PLCG2: variants seen among roughly 807,000 people sequenced by gnomAD.
PLCG2 encodes phospholipase C gamma 2.
Under a neutral mutation model 175.6 loss-of-function variants are expected in PLCG2, and 69 were observed. The ratio of observed to expected loss-of-function variants is 0.39; its 90% CI spans 0.32 to 0.48. The LOEUF (loss-of-function observed/expected upper bound fraction) is 0.48. Ranked by LOEUF, PLCG2 falls within the 20% of genes least tolerant of loss-of-function variation. The pLI is 0.91. For synonymous variants in PLCG2, 827 were observed against 624.0 expected, an observed-to-expected ratio of 1.33 and a Z score of -4.85; for missense variants, 1,798 against 1,650.9, an observed-to-expected ratio of 1.09 and a Z score of -1.54.
At chr16:81,798,645 A>T (rs1291385972) in intron 2 of PLCG2, 2 of 152,324 alleles carry the variant, frequency 1.3e-5, no homozygotes, top group Non-Finnish European at 2.9e-5. Flanking sequence ...GGTAGGCGTG[A>T]GTTTTGGGAG....
chr16:81,962,525 G>C lies in PLCG2; in HGVS notation c.*4527G>C, dbSNP rs1911814307. ...CTTAAGAAGCTGCATTTGTAAACTT[G>C]TGTTTCATTATTAAAGCTTAATTTA... is the stretch of plus-strand genomic sequence containing the variant. On this transcript the variant is annotated 3_prime_UTR_variant, in exon 33 of 33. Coordinates refer to ENST00000564138, the MANE Select transcript of PLCG2 (RefSeq NM_002661.5). 4.6e-6 allele frequency: 1 copy of C among 216,130 alleles called. No homozygotes were observed. The highest frequency in any genetic ancestry group is 9.3e-6 in the Non-Finnish European group (1 of 107,550). 13.4% of individuals were successfully genotyped at this position (216,130 alleles called of 1,614,324 possible).
chr16:81,843,651 G>T (rs1567493799), intron 2 of PLCG2, among the ~76,000 whole-genome samples: 1 of 152,138 alleles, frequency 6.6e-6, no homozygotes, highest in Non-Finnish European at 1.5e-5. Context: ...AAGTACATAG[G>T]ATACTATACA....
At chr16:81,917,026 G>A (rs1909872364) in intron 19 of PLCG2, among the ~76,000 whole-genome samples, 1 of 151,982 alleles carries the variant, frequency 6.6e-6, no homozygotes, top group African/African-American at 2.4e-5. Flanking sequence ...TGTATCCTTT[G>A]ACCAACATAT....
chr16:81,938,238 G>A (rs1193113963), intron 28 of PLCG2, among the ~76,000 whole-genome samples: 1 of 152,146 alleles, frequency 6.6e-6, no homozygotes, highest in Non-Finnish European at 1.5e-5. Context: ...TGGTCTTAAT[G>A]GAGAAGTTTT....
At chr16:81,912,266 G>T (rs1226382102) in intron 18 of PLCG2, among the ~76,000 whole-genome samples, 1 of 151,754 alleles carries the variant, frequency 6.6e-6, no homozygotes, top group Non-Finnish European at 1.5e-5. Context: ...GGGTCTCATT[G>T]TGTTGGCCAG....
At chr16:81,822,274 G>A (rs942663778) in intron 2 of PLCG2, among the ~76,000 whole-genome samples, 39 of 152,176 alleles carry the variant, frequency 2.6e-4, no homozygotes, top group African/African-American at 9.4e-4. Flanking sequence ...GGGTGTTGAA[G>A]GGTCGGCATA....
chr16:81,875,865 C>T (rs919833207), intron 7 of PLCG2, among the ~76,000 whole-genome samples: 7 of 152,098 alleles, frequency 4.6e-5, no homozygotes, highest in African/African-American at 1.7e-4. Flanking sequence ...TGGGTGTGAG[C>T]ATGGGGGAAG....
chr16:81,807,339 C>T (rs539642004), intron 2 of PLCG2, among the ~76,000 whole-genome samples: 1 of 152,136 alleles, frequency 6.6e-6, no homozygotes, highest in Non-Finnish European at 1.5e-5. Context: ...GCGAGGAGGG[C>T]ACTGAGGAGG....
At chr16:81,916,297 G>GA (rs35559608) in intron 19 of PLCG2, among the ~76,000 whole-genome samples, 2 of 149,808 alleles carry the variant, frequency 1.3e-5, no homozygotes, top group Non-Finnish European at 3.0e-5. Flanking sequence ...TTTAAAAAAA[G>GA]AAAAAAAACA....
intron 4 of PLCG2, 32 bp from the exon 5 acceptor site, chr16:81,859,082 TTC>T (rs761918579): frequency 2.9e-6 from 4 of 1,371,070 alleles, no homozygotes; most frequent in African/African-American, 1.4e-5. Context: ...AATTTTCTCT[TTC>T]TCTCTTTCTT....
In PLCG2 at chr16:81,912,584, C is replaced by A. The variant is rs1213531367; in HGVS notation, c.1935-13C>A. 1 of 1,612,172 alleles carries A rather than the reference C, an allele frequency of 6.2e-7. No individual in the cohort carries two copies. Among genetic ancestry groups the A allele is most frequent in the African/African-American group, 1.3e-5 (1 of 75,066 alleles). On this transcript the variant is annotated splice_polypyrimidine_tract_variant and intron_variant, in intron 18 of 32. Transcript: ENST00000564138. ...CCGCTCACCTGGTCGTTTTCCCTGGCCCTGTGCCGCAGGTGGTACTATGAC... is the reference window on the plus strand; with the variant it reads ...CCGCTCACCTGGTCGTTTTCCCTGGACCTGTGCCGCAGGTGGTACTATGAC...
chr16:81,778,021 A>AAC (rs1763315451), upstream of PLCG2, among the ~76,000 whole-genome samples: 2 of 67,146 alleles, frequency 3.0e-5, no homozygotes, highest in East Asian at 3.2e-4. Flanking sequence ...TGTCTCAAAA[A>AAC]AAAAAAAAAA....
chr16:81,889,041 G>C (rs1304875074), intron 9 of PLCG2, 131 bp from the exon 10 acceptor site: 3 of 609,272 alleles, frequency 4.9e-6, no homozygotes, highest in African/African-American at 1.8e-5. Context: ...TCAACATGTG[G>C]TGGTCGATTG....
chr16:81,823,774 C>T (rs918781123), intron 2 of PLCG2, among the ~76,000 whole-genome samples: 1 of 152,038 alleles, frequency 6.6e-6, no homozygotes, highest in Non-Finnish European at 1.5e-5. Context: ...AAGCAATCCC[C>T]TGACCTCGGT....
Position 81,931,672 on chromosome 16 carries a change from C to G in PLCG2, c.2739+18C>G, listed in dbSNP as rs201215284. On this transcript the variant is annotated intron_variant, in intron 25 of 32. Coordinates refer to ENST00000564138, the MANE Select transcript of PLCG2 (RefSeq NM_002661.5). ...ACACCAAGGTAGGCACCTGCTCACC[C>G]GGGTGCAGGTGGGCCTGGCATTCTG... 6.2e-7 allele frequency: 1 copy of G among 1,609,856 alleles called. No individual in the cohort carries two copies. Among genetic ancestry groups the G allele is most frequent in the South Asian group, 1.1e-5 (1 of 90,822 alleles).
At chr16:81,850,568 T>C (rs547875917) in intron 2 of PLCG2, among the ~76,000 whole-genome samples, 1 of 152,198 alleles carries the variant, frequency 6.6e-6, no homozygotes, top group Non-Finnish European at 1.5e-5. Context: ...GACAAGGCTT[T>C]ATTGGAGCTT....
chr16:81,770,572 A>G (rs1910256232), intron 2 of PLCG2, among the ~76,000 whole-genome samples: 4 of 151,950 alleles, frequency 2.6e-5, no homozygotes, highest in Admixed American at 2.6e-4. Context: ...ACATCTAGCC[A>G]GGCTTGGTGA....
chr16:81,845,047 A>G (rs185782654), intron 2 of PLCG2, among the ~76,000 whole-genome samples: 11 of 152,262 alleles, frequency 7.2e-5, no homozygotes, highest in African/African-American at 2.6e-4. Flanking sequence ...TCCTCCCTCA[A>G]CTTCTTGAGT....
intron 1 of PLCG2, among the ~76,000 whole-genome samples, chr16:81,783,859 C>T (rs1597316151): frequency 6.6e-6 from 1 of 152,216 alleles, no homozygotes; most frequent in South Asian, 2.1e-4. Flanking sequence ...TCTGTTCTGC[C>T]TCCTAGCCTT....
Sources: allele counts gnomAD v4.1 joint callset (sites outside exome capture counted in the v4.1 genomes callset), GRCh38; gene constraint gnomAD v4.1.1; transcripts MANE v1.5; gene names NCBI Gene and HGNC (gene_info 2026-07-23, HGNC 2026-07-21).